Variants in LRP4 observed in about 807,000 individuals in gnomAD.
LRP4 encodes LDL receptor related protein 4.
In LRP4, 95 loss-of-function variants were observed where a neutral mutation model predicts 220.3. The observed-to-expected ratio is 0.43, with a 90% CI of 0.37 to 0.51. The LOEUF is 0.51. LRP4 is among the 20% of genes least tolerant of loss of function. LRP4 has a pLI of 0.00. For missense variants in LRP4, 1,925 were observed against 2,567.0 expected, an observed-to-expected ratio of 0.75 and a Z score of 5.40; for synonymous variants, 903 against 954.6, an observed-to-expected ratio of 0.95 and a Z score of 1.00.
chr11:46,860,054 G>T (rs1483461758), intron 37 of LRP4, among the ~76,000 whole-genome samples: 1 of 151,780 alleles, frequency 6.6e-6, no homozygotes, highest in African/African-American at 2.4e-5. Flanking sequence ...GGCCAACATG[G>T]TGAAACCCCA....
chr11:46,899,174 C>A lies in LRP4; in HGVS notation c.548-142G>T. ...TAACCAGGTTTCATCTGGGACAGCC[C>A]TTATAGACGCCCATATTCAGGTGGA... On this transcript the variant is annotated intron_variant, in intron 5 of 37. Coordinates refer to ENST00000378623, the MANE Select transcript of LRP4 (RefSeq NM_002334.4). This position sits in a 1 kb window ranked among gnomAD's most constrained non-coding sequence, Gnocchi z 5.9. 4 of 931,858 alleles carry A rather than the reference C, an allele frequency of 4.3e-6. No individual in the cohort carries two copies. In the South Asian group the frequency reaches 5.9e-5, roughly 14 times the overall value. The allele number at this position is 931,858 out of a possible 1,614,324, so 57.7% of individuals were successfully genotyped here.
chr11:46,889,789 G>A, intron 15 of LRP4, 155 bp downstream of exon 15: 1 of 892,998 alleles, frequency 1.1e-6, no homozygotes, highest in South Asian at 1.5e-5. Context: ...TGCCCCGAAT[G>A]TCCAGCAGAG....
chr11:46,865,072 A>T, intron 35 of LRP4, 47 bp downstream of exon 35: 12 of 1,432,620 alleles, frequency 8.4e-6, no homozygotes, highest in South Asian at 2.4e-5. Flanking sequence ...GGAGACTTAG[A>T]TTCATTACAT....
At chr11:46,908,338 T>C (rs1941795489) in intron 1 of LRP4, among the ~76,000 whole-genome samples, 1 of 152,236 alleles carries the variant, frequency 6.6e-6, no homozygotes. Context: ...GGTACTGTTA[T>C]TATTAGTTTG....
Position 46,868,620 on chromosome 11 carries a change from T to A in LRP4, c.4931A>T (p.Asp1644Val). 6.2e-7 allele frequency: 1 copy of A among 1,613,984 alleles called. No individual in the cohort carries two copies. The highest frequency in any genetic ancestry group is 8.5e-7 in the Non-Finnish European group (1 of 1,179,858). The change falls in exon 33 of 38, where the codon GAT becomes GTT. Residue 1644 changes from aspartate to valine, a missense_variant. By Grantham distance (152) the Asp-to-Val change is radical. Transcript: ENST00000378623. ...DFVCACPDEP[D>V]SRPCSLVPGL... ...CTCACCAAGGGAGCAGGGCCGGCTA[T>A]CAGGTTCGTCAGGACAGGCACATAC...
intron 10 of LRP4, 77 bp downstream of exon 10, chr11:46,895,807 C>G: frequency 1.3e-6 from 2 of 1,589,954 alleles, no homozygotes; most frequent in Non-Finnish European, 1.7e-6. Context: ...AAATGCCTGA[C>G]CCATAGGAAA....
intron 1 of LRP4, among the ~76,000 whole-genome samples, chr11:46,914,135 C>T (rs971204655): frequency 3.3e-5 from 5 of 152,156 alleles, no homozygotes; most frequent in African/African-American, 1.2e-4. Flanking sequence ...ATAGTTTGAA[C>T]ATGCTATTAT....
chr11:46,869,881 G>T (rs1940812943), intron 31 of LRP4, among the ~76,000 whole-genome samples: 1 of 152,184 alleles, frequency 6.6e-6, no homozygotes, highest in Non-Finnish European at 1.5e-5. Flanking sequence ...GGCCAAGGTG[G>T]GCGATCATGA....
intron 10 of LRP4, 34 bp downstream of exon 10, chr11:46,895,849 AC>A: frequency 6.2e-7 from 1 of 1,606,966 alleles, no homozygotes; most frequent in Non-Finnish European, 8.5e-7. Context: ...CCTGCTCAGA[AC>A]CCCGACTCTG....
At chr11:46,904,498 T>TGGATGGAC (rs1241326817) in intron 1 of LRP4, among the ~76,000 whole-genome samples, 4 of 108,510 alleles carry the variant, frequency 3.7e-5, no homozygotes, top group Admixed American at 1.1e-4. Flanking sequence ...GATGGATGGA[T>TGGATGGAC]GGACGGACAG....
At chr11:46,888,984 G>A (rs759567690) in intron 16 of LRP4, among the ~76,000 whole-genome samples, 11 of 152,164 alleles carry the variant, frequency 7.2e-5, no homozygotes, top group East Asian at 1.9e-4. Context: ...TCCAGGACCC[G>A]CTTACACAGA....
Position 46,875,462 on chromosome 11 carries a change from G to C in LRP4, c.3919C>G (p.Pro1307Ala), listed in dbSNP as rs771126504. The C allele has an allele frequency of 6.2e-7, 1 of 1,613,866 alleles. No homozygotes were observed. Among genetic ancestry groups the C allele is most frequent in the Admixed American group, 1.7e-5 (1 of 60,022 alleles). The stretch of plus-strand genomic sequence containing the variant: ...CCAGCCCTCTGACTCTCACCTAGTG[G>C]CTGTGCCCGGTCCACAGCCTGCATG... ...MDMQAVDRAQ[P>A]LGFNKCGSRN... The change falls in exon 27 of 38, where the codon CCA (proline) becomes GCA (alanine). Residue 1307 changes from proline (P) to alanine (A), a missense_variant. By Grantham distance (27) the Pro-to-Ala change is conservative. Coordinates refer to ENST00000378623, the MANE Select transcript of LRP4 (RefSeq NM_002334.4). This position sits in a 1 kb window ranked among gnomAD's most constrained non-coding sequence, Gnocchi z 4.5.
Position 46,858,852 on chromosome 11 carries a change from AG to A in LRP4, c.*130del, listed in dbSNP as rs1405871973. 3 of 862,790 alleles carry A rather than the reference AG, an allele frequency of 3.5e-6. No individual in the cohort carries two copies. In the African/African-American group the frequency reaches 4.9e-5, roughly 14 times the overall value. 53.4% of individuals were successfully genotyped at this position (862,790 alleles called of 1,614,324 possible). ...TGGTAAACAGCTCCGGTGAAGGCTTAGGAACAGTTATGGGGTGGGAGGAGGA... is the reference window on the plus strand; with the variant it reads ...TGGTAAACAGCTCCGGTGAAGGCTTAGAACAGTTATGGGGTGGGAGGAGGA... On this transcript the variant is annotated 3_prime_UTR_variant, in exon 38 of 38. Coordinates refer to ENST00000378623, the MANE Select transcript of LRP4 (RefSeq NM_002334.4).
intron 7 of LRP4, among the ~76,000 whole-genome samples, chr11:46,898,308 C>A (rs1313580816): frequency 6.6e-6 from 1 of 152,228 alleles, no homozygotes; most frequent in Non-Finnish European, 1.5e-5. Flanking sequence ...GCCTCAGCCT[C>A]CCGAGTAGCT....
At chr11:46,885,737 G>GCACTC (rs1941274402) in intron 18 of LRP4, among the ~76,000 whole-genome samples, 1 of 134,352 alleles carries the variant, frequency 7.4e-6, no homozygotes, top group Admixed American at 8.7e-5. Flanking sequence ...TCGCACCACT[G>GCACTC]CACTCCAGCC....
Position 46,899,610 on chromosome 11 carries a change from C to G in LRP4, c.431-107G>C. The G allele has an allele frequency of 1.2e-6, 1 of 851,578 alleles. No homozygotes were observed. 52.8% of individuals were successfully genotyped at this position (851,578 alleles called of 1,614,324 possible). On this transcript the variant is annotated intron_variant, in intron 4 of 37. Coordinates refer to ENST00000378623, the MANE Select transcript of LRP4 (RefSeq NM_002334.4). The surrounding 1 kb of genome is among the most constrained non-coding windows in gnomAD (Gnocchi z 5.9). ...CTGGCTTTGGCGGGTCTGACCTAGC[C>G]CCCGAAAGGCACCCCAGAGTCAGTG...
At position 46,890,792 on chromosome 11, in the gene LRP4, CTA is replaced by C. The variant is rs2134840344; in HGVS notation, c.1698-300_1698-299del. On this transcript the variant is annotated intron_variant, in intron 13 of 37. Transcript: ENST00000378623. The surrounding 1 kb of genome is among the most constrained non-coding windows in gnomAD (Gnocchi z 5.3). ...TTTTTGTAGTAGAGATGAGGTCTTG[CTA>C]TGTTACCCAAGCTGGTCTCAAACTC... Among the ~76,000 whole-genome samples, 1 of 152,060 alleles carries C rather than the reference CTA, an allele frequency of 6.6e-6. No homozygotes were observed. The highest frequency in any genetic ancestry group is 6.6e-5 in the Admixed American group (1 of 15,266).
At chr11:46,865,086 C>T (rs753357866) in intron 35 of LRP4, 33 bp downstream of exon 35, 106 of 1,543,442 alleles carry the variant, frequency 6.9e-5, no homozygotes, top group Non-Finnish European at 9.0e-5. Context: ...ATTACATCTT[C>T]TTTTCCGGAA....
chr11:46,867,199 A>G (rs553597722), intron 34 of LRP4, among the ~76,000 whole-genome samples: 100 of 152,138 alleles, frequency 6.6e-4, no homozygotes, highest in African/African-American at 2.3e-3. Flanking sequence ...ATGCTTGCTT[A>G]TTTCATAATG....
Sources: allele counts gnomAD v4.1 joint callset (sites outside exome capture counted in the v4.1 genomes callset), GRCh38; gene constraint gnomAD v4.1.1; non-coding constraint Gnocchi (gnomAD v3.1); transcripts MANE v1.5; gene names NCBI Gene and HGNC (gene_info 2026-07-23, HGNC 2026-07-21).